The following GRAMD2A variants were observed in gnomAD, a reference collection of about 807,000 sequenced individuals.
The protein encoded by GRAMD2A is GRAM domain-containing protein 2A.
Under a neutral mutation model 51.1 loss-of-function variants are expected in GRAMD2A, and 37 were observed. The observed-to-expected ratio is 0.72, with a 90% confidence interval of 0.56 to 0.95. The LOEUF (loss-of-function observed/expected upper bound fraction) is 0.95, where lower values mean the gene tolerates loss of function less well. Among genes scored for constraint, GRAMD2A ranks in the 40% least tolerant of loss-of-function variants. The probability of loss-of-function intolerance (pLI) is 0.00; values close to 1 mark genes in which losing one functional copy is unlikely to be tolerated. For synonymous variants in GRAMD2A, 136 were observed against 157.1 expected (o/e 0.87, Z 1.01); for missense variants, 414 against 426.9 (o/e 0.97, Z 0.27).
chr15:72,164,983 A>G (rs868695315), intron 8 of GRAMD2A, among the ~76,000 whole-genome samples: 4 of 152,356 alleles, frequency 2.6e-5, no homozygotes, highest in Non-Finnish European at 5.9e-5. Context: ...TACTAAAAAT[A>G]CAAAAATTAG....
intron 1 of GRAMD2A, among the ~76,000 whole-genome samples, chr15:72,191,033 G>A (rs1449109241): frequency 6.6e-6 from 1 of 152,152 alleles, no homozygotes; most frequent in Non-Finnish European, 1.5e-5. Context: ...CATCAAATAT[G>A]TTTAAATCCA....
At chr15:72,188,340 GAA>G (rs1200073458) in intron 1 of GRAMD2A, among the ~76,000 whole-genome samples, 1 of 71,858 alleles carries the variant, frequency 1.4e-5, no homozygotes, top group African/African-American at 5.1e-5. Context: ...TCGTCTCAAA[GAA>G]AAAAAAAAAA....
At chr15:72,169,545 C>T (rs567833707) in intron 2 of GRAMD2A, 3 of 579,406 alleles carry the variant, frequency 5.2e-6, no homozygotes, top group Middle Eastern at 2.6e-4. Flanking sequence ...GGCTACCACA[C>T]TGGGAGAGGG....
intron 1 of GRAMD2A, 24 bp downstream of exon 1, chr15:72,197,707 G>T: frequency 7.7e-7 from 1 of 1,305,684 alleles, no homozygotes. Context: ...CCCCGAGACC[G>T]GCCCCCGGGC....
chr15:72,171,974 C>T (rs1169431588), intron 1 of GRAMD2A, among the ~76,000 whole-genome samples: 3 of 150,414 alleles, frequency 2.0e-5, no homozygotes, highest in Non-Finnish European at 3.0e-5. Context: ...GGACTACAGG[C>T]GTGTGTCACT....
intron 2 of GRAMD2A, 92 bp from the exon 3 acceptor site, chr15:72,169,088 G>T (rs912117364): frequency 1.8e-5 from 21 of 1,140,512 alleles, no homozygotes; most frequent in Non-Finnish European, 2.5e-5. Flanking sequence ...TGAGCCAGAA[G>T]CTTGAGGCAG....
rs200239688 is a variant in GRAMD2A at position 72,163,417 on chromosome 15, C to A, written c.805G>T (p.Gly269Cys). Reference protein sequence around the residue: ...NGGRWAWPMPGWGPACPKKMP... With the variant: ...NGGRWAWPMPCWGPACPKKMP... The stretch of plus-strand genomic sequence containing the variant: ...TTCTTAGGGCAGGCAGGACCCCAGC[C>A]TGGCATGGGCCATGCCCACCTCCCA... The change falls in exon 10 of 12, where the codon GGC (glycine) becomes TGC (cysteine). Residue 269 changes from glycine to cysteine, a missense_variant. Gly to Cys is a radical substitution (Grantham distance 159, BLOSUM62 -3). Coordinates refer to ENST00000309731, the MANE Select transcript of GRAMD2A (RefSeq NM_001012642.3). 3.5e-5 allele frequency: 57 copies of A among 1,614,098 alleles called. No homozygotes were observed. The highest frequency in any genetic ancestry group is 1.5e-4 in the Admixed American group (9 of 60,010).
At chr15:72,186,488 A>ATTTT (rs2081735119) in intron 1 of GRAMD2A, among the ~76,000 whole-genome samples, 2 of 151,848 alleles carry the variant, frequency 1.3e-5, no homozygotes, top group Non-Finnish European at 2.9e-5. Context: ...CCACGCCCGG[A>ATTTT]TAATTTTTGT....
In GRAMD2A at chr15:72,168,613, G is replaced by A. The variant is rs769644174; in HGVS notation, c.193-47C>T. ...CTGAGAAGCGCTGGGAGATGAGACC[G>A]CCAAAGGGGCCCTGCTCCAGCCAAC... On this transcript the variant is annotated intron_variant, in intron 3 of 11. Coordinates refer to ENST00000309731, the MANE Select transcript of GRAMD2A (RefSeq NM_001012642.3). The A allele has an allele frequency of 1.5e-5, 23 of 1,489,800 alleles. No individual in the cohort carries two copies. In the South Asian group the frequency reaches 1.6e-4, roughly 10 times the overall value. The allele number at this position is 1,489,800 out of a possible 1,614,324, so 92.3% of individuals were successfully genotyped here. A position where few individuals can be genotyped will look rare whatever the true frequency, so the allele number is the denominator to read the frequency against.
chr15:72,163,324 TGG>T lies in GRAMD2A; in HGVS notation c.896_897del (p.Pro299GlnfsTer49). ...CAGAGCCTCAGCTCCCCAGTGCTCC[TGG>T]GCTCCTCCTCCAGCTCATCCTCCTC... The part of the protein sequence containing the change: ...VYEEDELEEE[P>X]RSTGELRLWD... On this transcript the variant is annotated frameshift_variant, in exon 10 of 12. Coordinates refer to ENST00000309731, the MANE Select transcript of GRAMD2A (RefSeq NM_001012642.3). LOFTEE classifies it high-confidence loss of function. 6.2e-7 allele frequency: 1 copy of T among 1,613,034 alleles called. No homozygotes were observed. Among genetic ancestry groups the T allele is most frequent in the Non-Finnish European group, 8.5e-7 (1 of 1,179,002 alleles).
At position 72,186,437 on chromosome 15, in the gene GRAMD2A, G is replaced by A. The variant is rs554543498; in HGVS notation, c.41+11294C>T. On this transcript the variant is annotated intron_variant, in intron 1 of 11. Coordinates refer to ENST00000309731, the MANE Select transcript of GRAMD2A (RefSeq NM_001012642.3). ...CCTCCTGGGTTCAAGCGATTCTCCC[G>A]CCTCAGCCTCCCGAGTAGCTGGGAC... is the stretch of plus-strand genomic sequence containing the variant. Among the ~76,000 whole-genome samples, 9 of 151,566 alleles carry A rather than the reference G, an allele frequency of 5.9e-5. No individual in the cohort carries two copies. In the South Asian group the frequency reaches 6.3e-4, roughly 11 times the overall value.
intron 1 of GRAMD2A, among the ~76,000 whole-genome samples, chr15:72,191,139 AT>A (rs2081765098): frequency 6.6e-6 from 1 of 152,132 alleles, no homozygotes; most frequent in South Asian, 2.1e-4. Context: ...AGAGTCAAGT[AT>A]TTATTCTGCC....
chr15:72,191,185 T>C (rs1294323498), intron 1 of GRAMD2A, among the ~76,000 whole-genome samples: 1 of 152,082 alleles, frequency 6.6e-6, no homozygotes, highest in East Asian at 1.9e-4. Context: ...GATAAGCAAA[T>C]GGTTGAAGAG....
chr15:72,173,222 C>T (rs1468358140), intron 1 of GRAMD2A, among the ~76,000 whole-genome samples: 1 of 152,188 alleles, frequency 6.6e-6, no homozygotes, highest in Non-Finnish European at 1.5e-5. Context: ...GAAGCTGAGC[C>T]TTAGAAACTG....
chr15:72,177,037 TA>T (rs1567087553), intron 1 of GRAMD2A, among the ~76,000 whole-genome samples: 1 of 151,704 alleles, frequency 6.6e-6, no homozygotes. Context: ...AGCTATTTTT[TA>T]AAAAATTTTT....
chr15:72,173,385 C>T (rs2140550720), intron 1 of GRAMD2A, among the ~76,000 whole-genome samples: 1 of 152,260 alleles, frequency 6.6e-6, no homozygotes, highest in Non-Finnish European at 1.5e-5. Flanking sequence ...GGTGAGTAGT[C>T]CCTGCTTCAG....
In GRAMD2A at chr15:72,168,488, C is replaced by T. The variant is rs1185525283; in HGVS notation, c.268+3G>A. 1 of 1,611,342 alleles carries T rather than the reference C, an allele frequency of 6.2e-7. No homozygotes were observed. Among genetic ancestry groups the T allele is most frequent in the Non-Finnish European group, 8.5e-7 (1 of 1,177,832 alleles). ...TAACCAGCTATACCGGGAGACAGCT[C>T]ACCTTTGAGAACCACTTCCTCCAAG... On this transcript the variant is annotated splice_donor_region_variant and intron_variant, in intron 4 of 11. Transcript: ENST00000309731.
At chr15:72,169,629 G>A (rs1189333455) in intron 2 of GRAMD2A, 2 of 692,782 alleles carry the variant, frequency 2.9e-6, no homozygotes, top group African/African-American at 1.7e-5. Flanking sequence ...GCAGGGAGGA[G>A]GCTGGAAACC....
In GRAMD2A at chr15:72,166,058, AG is replaced by A. The variant is rs1258869588; in HGVS notation, c.543+573del. On this transcript the variant is annotated intron_variant, in intron 7 of 11. Transcript: ENST00000309731. This position sits in a 1 kb window ranked among gnomAD's most constrained non-coding sequence, Gnocchi z 4.1. ...TAATTTTTGTATTTTTAGTAAAGAC[AG>A]GGTTTCACTACGTTGGCCAGGCTGG... Among the ~76,000 whole-genome samples the A allele has an allele frequency of 8.5e-5, 13 of 152,196 alleles. No individual in the cohort carries two copies. The highest frequency in any genetic ancestry group is 3.1e-4 in the African/African-American group (13 of 41,536).
Sources: gnomAD v4.1 joint callset for allele counts (sites outside exome capture counted in the v4.1 genomes callset) on GRCh38, gnomAD v4.1.1 for gene constraint, Gnocchi (gnomAD v3.1) non-coding constraint, MANE v1.5 for transcripts, NCBI Gene and HGNC (gene_info 2026-07-23, HGNC 2026-07-21) for gene names.